Variants in ZHX1 observed in about 807,000 individuals in gnomAD.
ZHX1 encodes the protein zinc fingers and homeoboxes 1.
A neutral mutation model predicts 61.8 loss-of-function variants in ZHX1; 20 were observed. That is an observed-to-expected ratio of 0.32 (90% CI 0.23 to 0.47). ZHX1 has a LOEUF of 0.47. ZHX1 is among the 20% of genes least tolerant of loss of function. The pLI is 1.00. For missense variants in ZHX1, 800 were observed against 1,034.8 expected (o/e 0.77, Z 3.11); for synonymous variants, 318 against 352.6 (o/e 0.90, Z 1.10).
intron 2 of ZHX1, among the ~76,000 whole-genome samples, chr8:123,265,184 T>C (rs895658401): frequency 2.0e-5 from 3 of 146,362 alleles, no homozygotes; most frequent in African/African-American, 7.6e-5. Flanking sequence ...AGCACAACTC[T>C]GTCTCAAAAA....
chr8:123,262,164 G>C (rs1236880934), intron 2 of ZHX1, among the ~76,000 whole-genome samples: 1 of 152,146 alleles, frequency 6.6e-6, no homozygotes, highest in African/African-American at 2.4e-5. Flanking sequence ...AAAAAAGTAT[G>C]CTGTCAATGC....
rs869039149 is a variant in ZHX1, at chr8:123,249,837, GTT to G, written c.*485_*486del. On this transcript the variant is annotated 3_prime_UTR_variant, in exon 4 of 4. Transcript: ENST00000395571. ...AAATAAGACATAGTAATAAATCAGGGTTTTTTTTTTTTTTTTTTTTTTACCCA... is the reference window on the plus strand; with the variant it reads ...AAATAAGACATAGTAATAAATCAGGGTTTTTTTTTTTTTTTTTTTTACCCA... 5.7e-4 allele frequency: 67 copies of G among 117,276 alleles called. No homozygotes were observed. The highest frequency in any genetic ancestry group is 1.5e-3 in the African/African-American group (46 of 31,556). The allele number at this position is 117,276 out of a possible 1,614,324, so 7.3% of individuals were successfully genotyped here.
At chr8:123,263,565 C>A (rs963113338) in intron 2 of ZHX1, among the ~76,000 whole-genome samples, 8 of 152,234 alleles carry the variant, frequency 5.3e-5, no homozygotes, top group Admixed American at 4.6e-4. Flanking sequence ...GGCATGGTGG[C>A]TCACATCTGT....
intron 2 of ZHX1, among the ~76,000 whole-genome samples, chr8:123,262,360 G>T (rs1263200160): frequency 6.6e-6 from 1 of 152,068 alleles, no homozygotes; most frequent in African/African-American, 2.4e-5. Flanking sequence ...TTAAAACTCA[G>T]AAAATTTGCA....
intron 1 of ZHX1, among the ~76,000 whole-genome samples, chr8:123,271,081 C>T (rs55881549): frequency 0.036 from 5,411 of 152,174 alleles, 315 homozygotes; most frequent in African/African-American, 0.12. Context: ...GATTAATAAT[C>T]TAAGTCAGCA....
At chr8:123,251,671 C>T (rs1825923537) in intron 3 of ZHX1, among the ~76,000 whole-genome samples, 1 of 152,020 alleles carries the variant, frequency 6.6e-6, no homozygotes, top group African/African-American at 2.4e-5. Context: ...AAAAAAAATG[C>T]CTGTTAAAAA....
intron 3 of ZHX1, among the ~76,000 whole-genome samples, chr8:123,252,125 A>G (rs1825937117): frequency 6.6e-6 from 1 of 152,196 alleles, no homozygotes; most frequent in Admixed American, 6.5e-5. Context: ...ATGAGGGTCT[A>G]CGTCTCATTT....
intron 2 of ZHX1, among the ~76,000 whole-genome samples, chr8:123,259,233 C>G (rs1826168590): frequency 6.6e-6 from 1 of 152,120 alleles, no homozygotes; most frequent in Non-Finnish European, 1.5e-5. Flanking sequence ...ATTAATAATC[C>G]AGATCCCTAC....
chr8:123,269,375 T>C (rs964462867), intron 1 of ZHX1, among the ~76,000 whole-genome samples: 5 of 152,236 alleles, frequency 3.3e-5, no homozygotes, highest in Admixed American at 2.6e-4. Context: ...ATGAAAATCC[T>C]AGTTGCCTGA....
chr8:123,255,585 T>A lies in ZHX1; in HGVS notation c.362A>T (p.Asn121Ile). The change falls in exon 3 of 4, where the codon AAT becomes ATT. Residue 121 changes from asparagine (N) to isoleucine (I), a missense_variant. Physicochemically the swap from Asn to Ile is moderately radical, Grantham distance 149. Transcript: ENST00000395571. Reference sequence around the variant, plus strand: ...CTCTTCTCCTGGGTGATATTTCAGATTATGCTCAGAAAGTGCATCATACCT... The same window carrying A: ...CTCTTCTCCTGGGTGATATTTCAGAATATGCTCAGAAAGTGCATCATACCT... ...TKRYDALSEH[N>I]LKYHPGEENF... 1 of 1,613,262 alleles carries A rather than the reference T, an allele frequency of 6.2e-7. No individual in the cohort carries two copies.
chr8:123,269,076 C>G (rs1826558309), intron 1 of ZHX1, among the ~76,000 whole-genome samples: 1 of 152,168 alleles, frequency 6.6e-6, no homozygotes, highest in African/African-American at 2.4e-5. Flanking sequence ...TAGCCTGGGA[C>G]TCTACAGTTT....
At chr8:123,252,514 G>A (rs564340251) in intron 3 of ZHX1, 1 of 152,136 alleles carries the variant, frequency 6.6e-6, no homozygotes, top group Admixed American at 6.5e-5. Context: ...CTGGTAGCAG[G>A]TTTGTTTTAT....
chr8:123,266,502 T>C (rs750668227), intron 2 of ZHX1, among the ~76,000 whole-genome samples: 1 of 152,212 alleles, frequency 6.6e-6, no homozygotes, highest in East Asian at 1.9e-4. Context: ...CATTAATGTT[T>C]ATCAAATCTT....
chr8:123,264,517 G>C (rs749317926), intron 2 of ZHX1, among the ~76,000 whole-genome samples: 2 of 152,156 alleles, frequency 1.3e-5, no homozygotes, highest in Non-Finnish European at 2.9e-5. Context: ...GGCCTGGTTA[G>C]CCACAAAAGC....
chr8:123,261,224 C>T (rs1233985729), intron 2 of ZHX1, among the ~76,000 whole-genome samples: 3 of 152,080 alleles, frequency 2.0e-5, no homozygotes, highest in South Asian at 2.1e-4. Context: ...AAGGTATCCT[C>T]GGAATTATTA....
Position 123,254,827 on chromosome 8 carries a change from T to C in ZHX1, c.1120A>G (p.Ile374Val), listed in dbSNP as rs1356576619. ...GGTAAACCATTACTCCCTGTGGAAA[T>C]GTGTGTAGGAATAACAGTTATGGTC... ...PQTITVIPTH[I>V]STGSNGLPSI... Residue 374 changes from isoleucine (I) to valine (V), a missense_variant, in exon 3 of 4, where the codon ATT becomes GTT. Transcript: ENST00000395571. This position sits in a 1 kb window ranked among gnomAD's most constrained non-coding sequence, Gnocchi z 4.1. 16 of 1,614,202 alleles carry C rather than the reference T, an allele frequency of 9.9e-6. No individual in the cohort carries two copies. The highest frequency in any genetic ancestry group is 1.7e-5 in the Admixed American group (1 of 60,020).
At chr8:123,252,206 C>A (rs531711425) in intron 3 of ZHX1, among the ~76,000 whole-genome samples, 2 of 152,178 alleles carry the variant, frequency 1.3e-5, no homozygotes, top group South Asian at 4.1e-4. Flanking sequence ...GACAGACATA[C>A]ACAAACATTT....
chr8:123,256,149 T>G lies in ZHX1; in HGVS notation c.-203A>C. 4.6e-6 allele frequency: 2 copies of G among 436,744 alleles called. No homozygotes were observed. Among genetic ancestry groups the G allele is most frequent in the Admixed American group, 8.3e-5 (2 of 23,976 alleles). The allele number at this position is 436,744 out of a possible 1,614,324, so 27.1% of individuals were successfully genotyped here. A position where few individuals can be genotyped will look rare whatever the true frequency, so the allele number is the denominator to read the frequency against. ...TAAAATACTGCTGAATTTCTGAAAT[T>G]TTTGAAGCACAACTCCAATCACCTA... is the stretch of plus-strand genomic sequence containing the variant. On this transcript the variant is annotated 5_prime_UTR_variant, in exon 3 of 4. Transcript: ENST00000395571.
At position 123,253,989 on chromosome 8, in the gene ZHX1, G is replaced by T; in HGVS notation, c.1958C>A (p.Ser653Tyr). The T allele has an allele frequency of 6.2e-7, 1 of 1,614,134 alleles. No individual in the cohort carries two copies. The highest frequency in any genetic ancestry group is 8.5e-7 in the Non-Finnish European group (1 of 1,180,032). Residue 653 changes from serine (S) to tyrosine (Y), a missense_variant, in exon 3 of 4, where the codon TCT (serine) becomes TAT (tyrosine). Transcript: ENST00000395571. The part of the protein sequence containing the change: ...EAGETSPADE[S>Y]GAPKSGSTGK... ...TGTACTCCCTGACTTAGGTGCACCA[G>T]ATTCATCTGCAGGAGAAGTTTCTCC...
Sources: allele counts gnomAD v4.1 joint callset (sites outside exome capture counted in the v4.1 genomes callset), GRCh38; gene constraint gnomAD v4.1.1; non-coding constraint Gnocchi (gnomAD v3.1); transcripts MANE v1.5; gene names NCBI Gene and HGNC (gene_info 2026-07-23, HGNC 2026-07-21).